The following CDH13 variants were observed in gnomAD, a reference collection of about 807,000 sequenced individuals.
The protein encoded by CDH13 is cadherin-13.
A neutral mutation model predicts 63.8 loss-of-function variants in CDH13; 24 were observed. The ratio of observed to expected loss-of-function variants is 0.38; its 90% CI spans 0.27 to 0.53. The LOEUF (loss-of-function observed/expected upper bound fraction) is 0.53. Among genes scored for constraint, CDH13 ranks in the 20% least tolerant of loss-of-function variants. CDH13 has a pLI of 0.85. For missense variants in CDH13, 1,049 were observed against 903.1 expected, an observed-to-expected ratio of 1.16 and a Z score of -2.07; for synonymous variants, 503 against 355.3, an observed-to-expected ratio of 1.42 and a Z score of -4.67.
intron 1 of CDH13, among the ~76,000 whole-genome samples, chr16:82,805,592 A>G (rs371358339): frequency 6.6e-6 from 1 of 152,176 alleles, no homozygotes; most frequent in African/African-American, 2.4e-5. Context: ...AAATATAAGT[A>G]TGACAAGCAG....
chr16:83,344,311 C>T (rs1895534), intron 5 of CDH13, among the ~76,000 whole-genome samples: 3 of 152,042 alleles, frequency 2.0e-5, no homozygotes, highest in African/African-American at 4.8e-5. Context: ...GTGAAATCCT[C>T]CGAAATTGTA....
At chr16:83,758,447 T>C (rs1179084818) in intron 11 of CDH13, among the ~76,000 whole-genome samples, 1 of 151,962 alleles carries the variant, frequency 6.6e-6, no homozygotes, top group Admixed American at 6.6e-5. Flanking sequence ...GGAAACTTTT[T>C]TAGTCTAGTT....
intron 1 of CDH13, among the ~76,000 whole-genome samples, chr16:82,693,479 G>A (rs7342746): frequency 5.9e-5 from 9 of 152,026 alleles, no homozygotes; most frequent in African/African-American, 2.2e-4. Context: ...AAACATTTAG[G>A]TCTAAACACT....
At chr16:83,707,663 G>A (rs559854493) in intron 10 of CDH13, among the ~76,000 whole-genome samples, 3 of 151,696 alleles carry the variant, frequency 2.0e-5, no homozygotes, top group East Asian at 1.9e-4. Context: ...TAGATTCCCC[G>A]TGTATCATAT....
At chr16:83,304,374 G>T (rs559333772) in intron 5 of CDH13, among the ~76,000 whole-genome samples, 1 of 152,278 alleles carries the variant, frequency 6.6e-6, no homozygotes, top group African/African-American at 2.4e-5. Context: ...AGTCTGAATG[G>T]GACCATATAG....
chr16:82,958,866 G>A (rs1567695202), intron 2 of CDH13, among the ~76,000 whole-genome samples: 1 of 152,250 alleles, frequency 6.6e-6, no homozygotes, highest in Non-Finnish European at 1.5e-5. Context: ...CTCAGCCTGA[G>A]GTCTGAATGG....
At chr16:82,667,931 C>A (rs1912793990) in intron 1 of CDH13, among the ~76,000 whole-genome samples, 4 of 152,138 alleles carry the variant, frequency 2.6e-5, no homozygotes, top group African/African-American at 9.7e-5. Context: ...TTTTTAGAAA[C>A]ACCTGTATTT....
intron 6 of CDH13, among the ~76,000 whole-genome samples, chr16:83,454,686 A>G (rs1323288645): frequency 6.7e-6 from 1 of 149,704 alleles, no homozygotes; most frequent in African/African-American, 2.5e-5. Context: ...TTAAGAAACC[A>G]TATGTAGAAC....
intron 3 of CDH13, among the ~76,000 whole-genome samples, chr16:83,094,790 C>G (rs1809321757): frequency 6.6e-6 from 1 of 152,194 alleles, no homozygotes; most frequent in Non-Finnish European, 1.5e-5. Flanking sequence ...TTCCTTCTGA[C>G]TTGTCAAGGC....
At chr16:83,293,239 G>C (rs2089506503) in intron 5 of CDH13, among the ~76,000 whole-genome samples, 1 of 152,184 alleles carries the variant, frequency 6.6e-6, no homozygotes, top group Admixed American at 6.5e-5. Context: ...TGGTCTGGCA[G>C]TAAAGAGCCT....
intron 10 of CDH13, among the ~76,000 whole-genome samples, chr16:83,747,515 A>G (rs1179438507): frequency 1.3e-5 from 2 of 152,010 alleles, no homozygotes; most frequent in East Asian, 3.9e-4. Flanking sequence ...AGTCTTGAGT[A>G]TGTCTTTATC....
chr16:83,099,250 C>G (rs969877543), intron 3 of CDH13, among the ~76,000 whole-genome samples: 1 of 152,090 alleles, frequency 6.6e-6, no homozygotes, highest in Non-Finnish European at 1.5e-5. Flanking sequence ...TAAATGTTAA[C>G]TATTACATAA....
chr16:82,967,891 G>C (rs948173400), intron 2 of CDH13, among the ~76,000 whole-genome samples: 1 of 152,184 alleles, frequency 6.6e-6, no homozygotes, highest in African/African-American at 2.4e-5. Flanking sequence ...CTTGGAAGGA[G>C]ATATTTCCAG....
At chr16:83,505,150 G>T (rs957123484) in intron 7 of CDH13, among the ~76,000 whole-genome samples, 1 of 152,104 alleles carries the variant, frequency 6.6e-6, no homozygotes, top group Non-Finnish European at 1.5e-5. Context: ...ACTTGAATTT[G>T]GTGCTCTTAT....
At chr16:83,290,585 T>C (rs2089442247) in intron 5 of CDH13, among the ~76,000 whole-genome samples, 1 of 152,186 alleles carries the variant, frequency 6.6e-6, no homozygotes, top group Non-Finnish European at 1.5e-5. Flanking sequence ...CCTTTTTCTT[T>C]ATAAATTATG....
At chr16:82,724,822 T>C (rs13334499) in intron 1 of CDH13, among the ~76,000 whole-genome samples, 44,915 of 152,022 alleles carry the variant, frequency 0.3, 6,979 homozygotes, top group South Asian at 0.4. Flanking sequence ...GCAGGGATGA[T>C]TGAATCTAGA....
chr16:83,275,788 A>G (rs908210285), intron 5 of CDH13, among the ~76,000 whole-genome samples: 2 of 152,156 alleles, frequency 1.3e-5, no homozygotes, highest in African/African-American at 2.4e-5. Flanking sequence ...TTCAGAGCAA[A>G]TAAGTTCCCC....
At chr16:82,903,044 C>G (rs1218701437) in intron 2 of CDH13, among the ~76,000 whole-genome samples, 2 of 152,204 alleles carry the variant, frequency 1.3e-5, no homozygotes, top group East Asian at 3.8e-4. Flanking sequence ...TCTTTGAATC[C>G]TTACAACAAC....
At chr16:83,418,643 C>G (rs1396180167) in intron 6 of CDH13, among the ~76,000 whole-genome samples, 5 of 152,032 alleles carry the variant, frequency 3.3e-5, no homozygotes, top group Non-Finnish European at 7.4e-5. Flanking sequence ...GGAAGTGTTG[C>G]TAGAACTTGG....
Sources: gnomAD v4.1 joint callset for allele counts (sites outside exome capture counted in the v4.1 genomes callset) on GRCh38, gnomAD v4.1.1 for gene constraint, MANE v1.5 for transcripts, NCBI Gene and HGNC (gene_info 2026-07-23, HGNC 2026-07-21) for gene names.